Variants in MACROD2 observed in about 807,000 individuals in gnomAD.
MACROD2 encodes mono-ADP ribosylhydrolase 2.
MACROD2 carries 36 observed loss-of-function variants against 70.4 expected under a neutral mutation model. The ratio of observed to expected loss-of-function variants is 0.51; its 90% CI spans 0.39 to 0.68. MACROD2 has a LOEUF of 0.68. MACROD2 is among the 30% of genes least tolerant of loss of function. The pLI is 0.00. For synonymous variants in MACROD2, 172 were observed against 178.8 expected (o/e 0.96, Z 0.30); for missense variants, 496 against 538.4 (o/e 0.92, Z 0.78).
At chr20:14,176,646 T>G (rs1247744246) in intron 3 of MACROD2, among the ~76,000 whole-genome samples, 1 of 152,190 alleles carries the variant, frequency 6.6e-6, no homozygotes, top group Non-Finnish European at 1.5e-5. Flanking sequence ...GTTTTTCCTG[T>G]TAAACCTTAA....
At chr20:14,443,987 A>T (rs903386360) in intron 3 of MACROD2, among the ~76,000 whole-genome samples, 1 of 152,164 alleles carries the variant, frequency 6.6e-6, no homozygotes, top group African/African-American at 2.4e-5. Flanking sequence ...AAAGCAGCTT[A>T]CATTTTAATT....
At chr20:15,267,326 G>T (rs1409050418) in intron 6 of MACROD2, among the ~76,000 whole-genome samples, 2 of 152,134 alleles carry the variant, frequency 1.3e-5, no homozygotes, top group African/African-American at 4.8e-5. Flanking sequence ...CTGGAAGGGT[G>T]TTTCTCACAG....
chr20:14,322,385 C>G (rs1178632706), intron 3 of MACROD2, among the ~76,000 whole-genome samples: 1 of 143,336 alleles, frequency 7.0e-6, no homozygotes, highest in Admixed American at 7.1e-5. Flanking sequence ...GGTATACTGA[C>G]TGGAAAATAT....
intron 5 of MACROD2, among the ~76,000 whole-genome samples, chr20:14,957,199 C>A (rs1202684443): frequency 6.6e-6 from 1 of 151,888 alleles, no homozygotes; most frequent in East Asian, 1.9e-4. Context: ...AAATACCTCA[C>A]ATTTTAGGAT....
chr20:14,483,830 T>C (rs1740506298), intron 3 of MACROD2, among the ~76,000 whole-genome samples: 1 of 152,236 alleles, frequency 6.6e-6, no homozygotes, highest in African/African-American at 2.4e-5. Flanking sequence ...CCTTTGCATT[T>C]AAGTTCAAGA....
At position 14,749,406 on chromosome 20, in the gene MACROD2, G is replaced by A. The variant is rs762086860; in HGVS notation, c.418+64447G>A. Among the ~76,000 whole-genome samples the A allele has an allele frequency of 1.2e-4, 18 of 151,784 alleles. No individual in the cohort carries two copies. The East Asian group carries it at 2.3e-3, about 20-fold the overall frequency. ...AAGAAAGGGAAAAACAGAAAAGGAA[G>A]GAAGTAAAGGAAGGAAAAAAAGAAA... On this transcript the variant is annotated intron_variant, in intron 5 of 17. Coordinates refer to ENST00000684519, the MANE Select transcript of MACROD2 (RefSeq NM_001351661.2).
At chr20:14,939,972 A>G (rs1331835890) in intron 5 of MACROD2, among the ~76,000 whole-genome samples, 3 of 151,878 alleles carry the variant, frequency 2.0e-5, no homozygotes, top group Admixed American at 6.6e-5. Context: ...ACTTTACGGA[A>G]TTTGTTTATC....
chr20:16,035,158 A>ATATTAT (rs2067214370), intron 15 of MACROD2, among the ~76,000 whole-genome samples: 4 of 62,720 alleles, frequency 6.4e-5, no homozygotes, highest in South Asian at 1.2e-3. Context: ...TATAAAATAT[A>ATATTAT]ATATAAAATA....
At chr20:14,054,541 G>A (rs2053611172) in intron 2 of MACROD2, among the ~76,000 whole-genome samples, 1 of 152,032 alleles carries the variant, frequency 6.6e-6, no homozygotes, top group Admixed American at 6.6e-5. Context: ...AAAGGGCTGA[G>A]TTTTAAACTC....
intron 3 of MACROD2, among the ~76,000 whole-genome samples, chr20:14,390,847 A>G (rs1224243063): frequency 6.6e-6 from 1 of 152,250 alleles, no homozygotes; most frequent in African/African-American, 2.4e-5. Context: ...GAAGACATAC[A>G]TGCAACCAAC....
At chr20:14,009,895 C>T (rs377054257) in intron 2 of MACROD2, among the ~76,000 whole-genome samples, 2 of 152,180 alleles carry the variant, frequency 1.3e-5, no homozygotes, top group South Asian at 4.1e-4. Flanking sequence ...ACCACATGTT[C>T]TCACTTTTAT....
At chr20:14,283,068 G>A (rs2082318927) in intron 3 of MACROD2, among the ~76,000 whole-genome samples, 1 of 152,172 alleles carries the variant, frequency 6.6e-6, no homozygotes, top group African/African-American at 2.4e-5. Context: ...TTCTTGATGG[G>A]AAGAGTGGCA....
intron 8 of MACROD2, among the ~76,000 whole-genome samples, chr20:15,802,853 A>G (rs569344300): frequency 6.6e-6 from 1 of 152,252 alleles, no homozygotes; most frequent in African/African-American, 2.4e-5. Context: ...TGATACAACA[A>G]AAATACAAAG....
rs138567842 is a variant in MACROD2 at position 14,071,364 on chromosome 20, C to T, written c.164-14257C>T. 2.8e-3 allele frequency among the ~76,000 whole-genome samples: 405 copies of T among 145,890 alleles called. 4 individuals carry two copies. Among genetic ancestry groups the T allele is most frequent in the African/African-American group, 9.9e-3 (394 of 39,826 alleles). ...CAAGCTCCGCCTCCCGGGTGCATGC[C>T]GTTCTCCTGCCTCAGCCTCCCCAGT... is the stretch of plus-strand genomic sequence containing the variant. On this transcript the variant is annotated intron_variant, in intron 2 of 17. Transcript: ENST00000684519.
intron 3 of MACROD2, chr20:14,127,425 C>A (rs1354002538): frequency 8.8e-6 from 4 of 455,104 alleles, no homozygotes; most frequent in African/African-American, 2.0e-5. Context: ...TGTCTCTTGG[C>A]AAAAATGGCA....
chr20:14,880,493 C>G (rs542064339), intron 5 of MACROD2, among the ~76,000 whole-genome samples: 47 of 152,234 alleles, frequency 3.1e-4, no homozygotes, highest in African/African-American at 1.1e-3. Flanking sequence ...AATAAATCCC[C>G]GAGGAACTTA....
chr20:14,757,946 A>G lies in MACROD2; in HGVS notation c.418+72987A>G, dbSNP rs185041476. On this transcript the variant is annotated intron_variant, in intron 5 of 17. Transcript: ENST00000684519. ...AGCCGACAGAGATACCTACAGACGG[A>G]GTGCTGTGCCCCCTGGTGCCGACAA... is the stretch of plus-strand genomic sequence containing the variant. 269 of 993,176 alleles carry G rather than the reference A, an allele frequency of 2.7e-4. 4 individuals are homozygous for G. In the African/African-American group the frequency reaches 3.6e-3, roughly 13 times the overall value. The allele number at this position is 993,176 out of a possible 1,614,324, so 61.5% of individuals were successfully genotyped here.
intron 3 of MACROD2, among the ~76,000 whole-genome samples, chr20:14,376,877 G>T (rs1335236671): frequency 6.6e-6 from 1 of 151,748 alleles, no homozygotes; most frequent in Non-Finnish European, 1.5e-5. Flanking sequence ...TATTGGGAAA[G>T]TTACCTAACC....
At chr20:14,703,999 A>G (rs1044431546) in intron 5 of MACROD2, among the ~76,000 whole-genome samples, 22 of 152,048 alleles carry the variant, frequency 1.4e-4, no homozygotes, top group Admixed American at 9.2e-4. Context: ...AAGTGCTGAG[A>G]TTACAGGTGT....
Sources: allele counts gnomAD v4.1 joint callset (sites outside exome capture counted in the v4.1 genomes callset), GRCh38; gene constraint gnomAD v4.1.1; transcripts MANE v1.5; gene names NCBI Gene and HGNC (gene_info 2026-07-23, HGNC 2026-07-21).